The following CDH18 variants were observed in gnomAD, a reference collection of about 807,000 sequenced individuals.
CDH18 encodes cadherin 18, also known as cadherin-18.
Under a neutral mutation model 67.9 loss-of-function variants are expected in CDH18, and 31 were observed. The observed-to-expected ratio is 0.46, with a 90% CI of 0.34 to 0.62. The LOEUF (loss-of-function observed/expected upper bound fraction) is 0.62. Among genes scored for constraint, CDH18 ranks in the 20% least tolerant of loss-of-function variants. The pLI is 0.01. For missense variants in CDH18, 890 were observed against 975.5 expected, an observed-to-expected ratio of 0.91 and a Z score of 1.17; for synonymous variants, 362 against 347.2, an observed-to-expected ratio of 1.04 and a Z score of -0.48.
chr5:20,164,490 G>A (rs1736137276), intron 2 of CDH18, among the ~76,000 whole-genome samples: 1 of 145,324 alleles, frequency 6.9e-6, no homozygotes, highest in Admixed American at 7.0e-5. Context: ...AGTTTATCTA[G>A]TCTTGAACTC....
chr5:19,921,269 C>T (rs1041028139), intron 2 of CDH18, among the ~76,000 whole-genome samples: 15 of 152,150 alleles, frequency 9.9e-5, no homozygotes, highest in Admixed American at 4.6e-4. Flanking sequence ...TAGTGGCTCA[C>T]ACCTGTAATC....
chr5:19,804,241 G>A (rs1017116414), intron 3 of CDH18, among the ~76,000 whole-genome samples: 2 of 151,542 alleles, frequency 1.3e-5, no homozygotes, highest in African/African-American at 2.4e-5. Flanking sequence ...GGCAGAGCTT[G>A]CAGTGAGCCG....
At chr5:20,382,848 T>C (rs1469920050) in intron 1 of CDH18, among the ~76,000 whole-genome samples, 1 of 152,158 alleles carries the variant, frequency 6.6e-6, no homozygotes, top group Non-Finnish European at 1.5e-5. Flanking sequence ...TGTTTTTTTC[T>C]CCACAGCTAT....
At chr5:20,376,091 A>ATTTTTTTTTTTTGTTTTTTTTTTT (rs1743399064) in intron 1 of CDH18, among the ~76,000 whole-genome samples, 1 of 49,748 alleles carries the variant, frequency 2.0e-5, no homozygotes, top group Non-Finnish European at 3.8e-5. Context: ...AAAAGAAACA[A>ATTTTTTTTTTTTGTTTTTTTTTTT]TTTTTTTTTT....
intron 1 of CDH18, among the ~76,000 whole-genome samples, chr5:20,531,967 T>A (rs1756427610): frequency 6.6e-6 from 1 of 152,074 alleles, no homozygotes; most frequent in Non-Finnish European, 1.5e-5. Context: ...AGGTGCAAAT[T>A]ACAAAATTAT....
chr5:20,529,396 A>G (rs1756263508), intron 1 of CDH18, among the ~76,000 whole-genome samples: 1 of 151,974 alleles, frequency 6.6e-6, no homozygotes. Context: ...TAAAGAGGTC[A>G]GCATCATCCT....
At chr5:19,481,106 A>G (rs1739346972) in intron 12 of CDH18, among the ~76,000 whole-genome samples, 1 of 152,122 alleles carries the variant, frequency 6.6e-6, no homozygotes, top group Non-Finnish European at 1.5e-5. Flanking sequence ...AACGTTTGTG[A>G]CATTATACTT....
chr5:20,278,662 AT>A (rs1401217051), intron 1 of CDH18, among the ~76,000 whole-genome samples: 1 of 152,212 alleles, frequency 6.6e-6, no homozygotes, highest in African/African-American at 2.4e-5. Flanking sequence ...AGTATAAAAA[AT>A]AAAAGATGAC....
chr5:20,475,678 C>G (rs545536366), intron 1 of CDH18, among the ~76,000 whole-genome samples: 48 of 152,182 alleles, frequency 3.2e-4, no homozygotes, highest in Non-Finnish European at 5.9e-4. Context: ...AATAATTATA[C>G]CATCTACTTA....
chr5:20,316,384 T>C (rs1382128523), intron 1 of CDH18, among the ~76,000 whole-genome samples: 2 of 152,094 alleles, frequency 1.3e-5, no homozygotes, highest in Non-Finnish European at 2.9e-5. Context: ...ATTATAATAT[T>C]GTGGTTGCAA....
At chr5:20,249,374 C>CCCGCAG (rs1743636946) in intron 2 of CDH18, among the ~76,000 whole-genome samples, 1 of 137,802 alleles carries the variant, frequency 7.3e-6, no homozygotes, top group Non-Finnish European at 1.5e-5. Context: ...CTATTAACTC[C>CCCGCAG]TTTAAAACTT....
At chr5:20,407,813 AAG>A (rs1746422211) in intron 1 of CDH18, among the ~76,000 whole-genome samples, 1 of 152,014 alleles carries the variant, frequency 6.6e-6, no homozygotes, top group African/African-American at 2.4e-5. Context: ...CCAGAAGAAA[AAG>A]AGAGGAAAGG....
chr5:19,606,468 A>G (rs1748059504), intron 6 of CDH18, among the ~76,000 whole-genome samples: 1 of 152,106 alleles, frequency 6.6e-6, no homozygotes, highest in Non-Finnish European at 1.5e-5. Flanking sequence ...ACAGATACCA[A>G]TAATCTTTAT....
intron 1 of CDH18, chr5:20,305,646 G>A (rs1278460575): frequency 2.3e-6 from 1 of 443,410 alleles, no homozygotes; most frequent in Non-Finnish European, 4.1e-6. Flanking sequence ...CATGTCCGGG[G>A]GGTGGGGGGA....
At chr5:19,842,441 C>T (rs958343130) in intron 2 of CDH18, among the ~76,000 whole-genome samples, 1 of 152,150 alleles carries the variant, frequency 6.6e-6, no homozygotes, top group African/African-American at 2.4e-5. Context: ...CTTCACTCTG[C>T]ACTTCTCTCT....
Position 20,448,649 on chromosome 5 carries a change from A to G in CDH18, c.-580+126813T>C, listed in dbSNP as rs1750193764. Among the ~76,000 whole-genome samples, 3 of 152,100 alleles carry G rather than the reference A, an allele frequency of 2.0e-5. No individual in the cohort carries two copies. The South Asian group carries it at 6.2e-4, about 31-fold the overall frequency. ...AATTTTCTCACTACCTACCTCAGTG[A>G]TGCTGGGAAGATGAATACAGTACTT... On this transcript the variant is annotated intron_variant, in intron 1 of 14. Transcript: ENST00000507958.
intron 2 of CDH18, among the ~76,000 whole-genome samples, chr5:20,005,852 TTAAC>T (rs1339902144): frequency 6.6e-6 from 1 of 152,062 alleles, no homozygotes; most frequent in Non-Finnish European, 1.5e-5. Context: ...ATCTGGATAT[TTAAC>T]TACGTTTCAT....
intron 4 of CDH18, among the ~76,000 whole-genome samples, chr5:19,740,785 C>G (rs948615439): frequency 6.6e-6 from 1 of 151,984 alleles, no homozygotes; most frequent in Non-Finnish European, 1.5e-5. Context: ...CACATTAACT[C>G]ATTATCTCAT....
chr5:20,488,828 TTG>T (rs1753389004), intron 1 of CDH18, among the ~76,000 whole-genome samples: 1 of 151,876 alleles, frequency 6.6e-6, no homozygotes, highest in Non-Finnish European at 1.5e-5. Context: ...AAAATATTTG[TTG>T]TCATAGAAAA....
Sources: gnomAD v4.1 joint callset for allele counts (sites outside exome capture counted in the v4.1 genomes callset) on GRCh38, gnomAD v4.1.1 for gene constraint, MANE v1.5 for transcripts, NCBI Gene and HGNC (gene_info 2026-07-23, HGNC 2026-07-21) for gene names.